Variants in PLCG2 observed in about 807,000 individuals in gnomAD.
The protein encoded by PLCG2 is phospholipase C gamma 2.
A neutral mutation model predicts 175.6 loss-of-function variants in PLCG2; 69 were observed. The ratio of observed to expected loss-of-function variants is 0.39; its 90% CI spans 0.32 to 0.48. PLCG2 has a LOEUF of 0.48. PLCG2 is among the 20% of genes least tolerant of loss of function. PLCG2 has a pLI of 0.91. For missense variants in PLCG2, 1,798 were observed against 1,650.9 expected (o/e 1.09, Z -1.54); for synonymous variants, 827 against 624.0 (o/e 1.33, Z -4.85).
chr16:81,834,486 A>C (rs910385609), intron 2 of PLCG2, among the ~76,000 whole-genome samples: 12 of 152,226 alleles, frequency 7.9e-5, no homozygotes, highest in Admixed American at 7.9e-4. Flanking sequence ...CCCTTCTGCA[A>C]AATGGAGTTG....
At chr16:81,840,282 C>G (rs1905750200) in intron 2 of PLCG2, among the ~76,000 whole-genome samples, 1 of 152,058 alleles carries the variant, frequency 6.6e-6, no homozygotes, top group Non-Finnish European at 1.5e-5. Context: ...GGGTGGATGC[C>G]CATAGGTGTC....
intron 25 of PLCG2, 124 bp from the exon 26 acceptor site, chr16:81,934,305 C>G (rs1157250063): frequency 1.6e-6 from 1 of 643,468 alleles, no homozygotes; most frequent in Admixed American, 2.6e-5. Context: ...GGAAAACATT[C>G]AACCATATTA....
intron 2 of PLCG2, among the ~76,000 whole-genome samples, chr16:81,848,473 C>T (rs952558061): frequency 6.6e-6 from 1 of 152,116 alleles, no homozygotes; most frequent in Non-Finnish European, 1.5e-5. Context: ...TCTTACCATG[C>T]TCTGTCTCTC....
chr16:81,788,519 T>G (rs1185386409), intron 2 of PLCG2, among the ~76,000 whole-genome samples: 1 of 152,162 alleles, frequency 6.6e-6, no homozygotes, highest in Non-Finnish European at 1.5e-5. Context: ...ATTTTAACTT[T>G]AAAGGGAAGT....
chr16:81,777,426 A>G (rs909146348), upstream of PLCG2, among the ~76,000 whole-genome samples: 10 of 150,806 alleles, frequency 6.6e-5, no homozygotes, highest in African/African-American at 2.5e-4. Context: ...AATAAATACA[A>G]GCTGAAGTTC....
upstream of PLCG2, among the ~76,000 whole-genome samples, chr16:81,777,424 C>T (rs1461035558): frequency 8.2e-6 from 1 of 122,542 alleles, no homozygotes; most frequent in African/African-American, 3.2e-5. Context: ...GAAATAAATA[C>T]AAGCTGAAGT....
At chr16:81,770,008 C>T (rs1910243489) in intron 2 of PLCG2, among the ~76,000 whole-genome samples, 2 of 152,074 alleles carry the variant, frequency 1.3e-5, no homozygotes, top group Admixed American at 6.5e-5. Flanking sequence ...ATTGACTGCA[C>T]GAAGGGCCCT....
chr16:81,778,039 A>ACAAAACAAAC, upstream of PLCG2, among the ~76,000 whole-genome samples: 1 of 80,430 alleles, frequency 1.2e-5, no homozygotes. Flanking sequence ...AAACAAAAAA[A>ACAAAACAAAC]AAACAAAAAA....
chr16:81,953,606 T>A (rs1164666322), intron 31 of PLCG2, among the ~76,000 whole-genome samples: 1 of 152,188 alleles, frequency 6.6e-6, no homozygotes, highest in East Asian at 1.9e-4. Flanking sequence ...ACAAACTAAA[T>A]TTTTAAGTGA....
At chr16:81,818,702 C>T (rs6420427) in intron 2 of PLCG2, among the ~76,000 whole-genome samples, 88,675 of 151,582 alleles carry the variant, frequency 0.58, 26,258 homozygotes, top group East Asian at 0.88. Flanking sequence ...CAGGAAATGG[C>T]TGAAATAACT....
intron 29 of PLCG2, 55 bp downstream of exon 29, chr16:81,938,970 TG>T (rs1858161609): frequency 1.0e-6 from 1 of 984,644 alleles, no homozygotes; most frequent in African/African-American, 1.6e-5. Flanking sequence ...GTGAATCCTT[TG>T]TGGGAGTGCT....
chr16:81,826,550 G>C lies in PLCG2; in HGVS notation c.194-27894G>C, dbSNP rs146118032. Among the ~76,000 whole-genome samples the C allele has an allele frequency of 2.6e-5, 4 of 152,354 alleles. 1 individual carries two copies. The highest frequency in any genetic ancestry group is 4.8e-5 in the African/African-American group (2 of 41,580). On this transcript the variant is annotated intron_variant, in intron 2 of 32. Coordinates refer to ENST00000564138, the MANE Select transcript of PLCG2 (RefSeq NM_002661.5). The stretch of plus-strand genomic sequence containing the variant: ...TAGAATTCAATGTAACAAGCACTTA[G>C]AATAACACATGTTCAGTCAGTGATA...
At chr16:81,796,255 A>G (rs1346817076) in intron 2 of PLCG2, among the ~76,000 whole-genome samples, 1 of 152,212 alleles carries the variant, frequency 6.6e-6, no homozygotes, top group Non-Finnish European at 1.5e-5. Context: ...TCCCCTCCCC[A>G]GCACAGACTG....
intron 12 of PLCG2, among the ~76,000 whole-genome samples, chr16:81,894,724 T>A (rs567320244): frequency 1.7e-3 from 255 of 151,990 alleles, no homozygotes; most frequent in Non-Finnish European, 2.7e-3. Flanking sequence ...AATACAGAAA[T>A]TAGCCAGGCG....
At chr16:81,922,864 A>C (rs1910114362) in intron 21 of PLCG2, among the ~76,000 whole-genome samples, 1 of 152,256 alleles carries the variant, frequency 6.6e-6, no homozygotes, top group Non-Finnish European at 1.5e-5. Flanking sequence ...TTTCTAACCA[A>C]GGAAGTTCTA....
intron 30 of PLCG2, among the ~76,000 whole-genome samples, chr16:81,944,036 AGAT>A (rs1416638614): frequency 2.0e-5 from 3 of 152,266 alleles, no homozygotes; most frequent in African/African-American, 7.2e-5. Context: ...GAATTCAGTA[AGAT>A]GATGAGCATC....
intron 2 of PLCG2, among the ~76,000 whole-genome samples, chr16:81,835,120 T>A (rs1905447630): frequency 6.6e-6 from 1 of 152,176 alleles, no homozygotes; most frequent in South Asian, 2.1e-4. Context: ...TGTTATTGAT[T>A]CACTGTGTGA....
At chr16:81,873,876 G>A (rs4888184) in intron 7 of PLCG2, among the ~76,000 whole-genome samples, 125,661 of 152,208 alleles carry the variant, frequency 0.83, 53,136 homozygotes, top group East Asian at 0.99. Flanking sequence ...CATTCCACAT[G>A]AGAGGTATTT....
intron 30 of PLCG2, among the ~76,000 whole-genome samples, chr16:81,943,032 T>A (rs1275768439): frequency 1.3e-5 from 2 of 152,098 alleles, no homozygotes; most frequent in Non-Finnish European, 2.9e-5. Flanking sequence ...AGCTCATGTC[T>A]CCGATTTAAG....
Sources: gnomAD v4.1 joint callset for allele counts (sites outside exome capture counted in the v4.1 genomes callset) on GRCh38, gnomAD v4.1.1 for gene constraint, MANE v1.5 for transcripts, NCBI Gene and HGNC (gene_info 2026-07-23, HGNC 2026-07-21) for gene names.